The following SAMTOR variants were observed in gnomAD, a reference collection of about 807,000 sequenced individuals.
SAMTOR encodes UPF0532 protein C7orf60.
At chr7:112,901,454 A>G in the SAMTOR span, among the ~76,000 whole-genome samples, 169 of 152,324 alleles carry the variant, frequency 1.1e-3, no homozygotes, top group African/African-American at 3.9e-3. Flanking sequence ...TTGCAGGAAA[A>G]CAAGCTCAGG....
the SAMTOR span, among the ~76,000 whole-genome samples, chr7:112,915,928 A>G: frequency 6.6e-6 from 1 of 152,212 alleles, no homozygotes; most frequent in African/African-American, 2.4e-5. Context: ...TTGTGTCTCT[A>G]TTGACTGTTA....
chr7:112,929,018 C>A, the SAMTOR span, among the ~76,000 whole-genome samples: 1 of 151,896 alleles, frequency 6.6e-6, no homozygotes, highest in Admixed American at 6.6e-5. Flanking sequence ...TGCATTTTTA[C>A]ATGCCAGGAC....
chr7:112,909,130 A>G, the SAMTOR span, among the ~76,000 whole-genome samples: 1 of 152,192 alleles, frequency 6.6e-6, no homozygotes, highest in Non-Finnish European at 1.5e-5. Context: ...TTTAATGTCC[A>G]ATGCCTTCAT....
the SAMTOR span, among the ~76,000 whole-genome samples, chr7:112,888,159 T>C: frequency 6.6e-6 from 1 of 152,172 alleles, no homozygotes; most frequent in African/African-American, 2.4e-5. Context: ...CATTTTCTAA[T>C]TCTTCTGAGA....
chr7:112,877,707 G>A, the SAMTOR span, among the ~76,000 whole-genome samples: 1 of 152,132 alleles, frequency 6.6e-6, no homozygotes. Context: ...GGCCTGGTAG[G>A]AGGTGTCTAG....
At chr7:112,869,130 C>T in the SAMTOR span, among the ~76,000 whole-genome samples, 1 of 152,164 alleles carries the variant, frequency 6.6e-6, no homozygotes, top group Non-Finnish European at 1.5e-5. Flanking sequence ...AAGGGGGCAA[C>T]AGCAAAGCCA....
chr7:112,917,135 G>A, the SAMTOR span, among the ~76,000 whole-genome samples: 5 of 152,368 alleles, frequency 3.3e-5, no homozygotes, highest in African/African-American at 1.2e-4. Flanking sequence ...TCTGAGAACA[G>A]GCAGACTGCC....
At chr7:112,920,348 C>G in the SAMTOR span, among the ~76,000 whole-genome samples, 435 of 151,200 alleles carry the variant, frequency 2.9e-3, 2 homozygotes, top group African/African-American at 9.7e-3. Context: ...AAGACAAAAA[C>G]CACATGATTA....
the SAMTOR span, chr7:112,939,305 A>T: frequency 2.1e-6 from 1 of 487,700 alleles, no homozygotes; most frequent in Non-Finnish European, 3.7e-6. Context: ...TGCCGAGACA[A>T]CAACCTCAGC....
the SAMTOR span, among the ~76,000 whole-genome samples, chr7:112,912,617 T>C: frequency 6.6e-6 from 1 of 152,068 alleles, no homozygotes; most frequent in African/African-American, 2.4e-5. Flanking sequence ...CAAAGTCTTT[T>C]CCCCAAACCT....
At chr7:112,906,978 T>C in the SAMTOR span, among the ~76,000 whole-genome samples, 2 of 152,192 alleles carry the variant, frequency 1.3e-5, no homozygotes, top group African/African-American at 4.8e-5. Context: ...TAAAATGTAG[T>C]TGGACCAGTT....
chr7:112,866,201 G>C, the SAMTOR span, among the ~76,000 whole-genome samples: 1 of 152,072 alleles, frequency 6.6e-6, no homozygotes, highest in African/African-American at 2.4e-5. Context: ...ATGCTTTTCT[G>C]TATAGAGAGC....
At chr7:112,935,911 A>C in the SAMTOR span, among the ~76,000 whole-genome samples, 4 of 152,194 alleles carry the variant, frequency 2.6e-5, no homozygotes, top group Non-Finnish European at 5.9e-5. Flanking sequence ...ATACAAAGAC[A>C]ACCAAAAACA....
chr7:112,874,181 A>G, the SAMTOR span, among the ~76,000 whole-genome samples: 1 of 152,158 alleles, frequency 6.6e-6, no homozygotes, highest in Non-Finnish European at 1.5e-5. Flanking sequence ...TTGACCCATC[A>G]ATCCCATTAC....
the SAMTOR span, among the ~76,000 whole-genome samples, chr7:112,851,206 T>C: frequency 6.6e-6 from 1 of 152,094 alleles, no homozygotes. Context: ...AAGTCTAAAA[T>C]TCATATGGAA....
At chr7:112,902,416 C>CA in the SAMTOR span, among the ~76,000 whole-genome samples, 658 of 12,232 alleles carry the variant, frequency 0.054, 89 homozygotes, top group South Asian at 0.078. Context: ...AACTCCGTCT[C>CA]AAAAAAAAAA....
chr7:112,900,934 G>A, the SAMTOR span, among the ~76,000 whole-genome samples: 1 of 152,260 alleles, frequency 6.6e-6, no homozygotes, highest in African/African-American at 2.4e-5. Flanking sequence ...ACTATAAACT[G>A]TCTAAAAGGT....
the SAMTOR span, among the ~76,000 whole-genome samples, chr7:112,853,298 T>C: frequency 3.3e-5 from 5 of 152,266 alleles, no homozygotes; most frequent in East Asian, 9.6e-4. Context: ...GTATATATAA[T>C]GATGTATATA....
At chr7:112,895,786 C>A in the SAMTOR span, 1 of 1,284,056 alleles carries the variant, frequency 7.8e-7, no homozygotes, top group South Asian at 2.3e-5. Context: ...TGTACGACTA[C>A]AAAATAAGAC....
Sources: gnomAD v4.1 joint callset for allele counts (sites outside exome capture counted in the v4.1 genomes callset) on GRCh38, gnomAD v4.1.1 for gene constraint, MANE v1.5 for transcripts, NCBI Gene and HGNC (gene_info 2026-07-23, HGNC 2026-07-21) for gene names.